The following LRSAM1 variants were observed in gnomAD, a reference collection of about 807,000 sequenced individuals.
LRSAM1 encodes leucine rich repeat and sterile alpha motif containing 1.
A neutral mutation model predicts 118.1 loss-of-function variants in LRSAM1; 96 were observed. The observed-to-expected ratio is 0.81, with a 90% CI of 0.69 to 0.96. The LOEUF is 0.96. LRSAM1 is among the 40% of genes least tolerant of loss of function. The pLI is 0.00. For synonymous variants in LRSAM1, 322 were observed against 364.2 expected (o/e 0.88, Z 1.32); for missense variants, 804 against 915.5 (o/e 0.88, Z 1.57).
At position 127,467,770 on chromosome 9, in the gene LRSAM1, T is replaced by C; in HGVS notation, c.559T>C (p.Tyr187His). The C allele has an allele frequency of 6.2e-7, 1 of 1,610,754 alleles. No homozygotes were observed. Among genetic ancestry groups the C allele is most frequent in the East Asian group, 2.2e-5 (1 of 44,798 alleles). The change falls in exon 10 of 26, where the codon TAC becomes CAC. Residue 187 changes from tyrosine to histidine, a missense_variant. Physicochemically the swap from Tyr to His is moderately conservative, Grantham distance 83. Coordinates refer to ENST00000300417, the MANE Select transcript of LRSAM1 (RefSeq NM_001005373.4). ...GAGCCTTGACGCCTCGGCCATGGTC[T>C]ACCCGCCGCGGGAGGTGTGTGGTGC... is the stretch of plus-strand genomic sequence containing the variant. ...MLSLDASAMVYPPREVCGAGT... is the reference protein window; with the variant it reads ...MLSLDASAMVHPPREVCGAGT...
chr9:127,464,001 C>T lies in LRSAM1; in HGVS notation c.528+1628C>T, dbSNP rs1051942375. On this transcript the variant is annotated intron_variant, in intron 9 of 25. Transcript: ENST00000300417. ...TGTAAACCAGGCCGTCTGAAGCTGACGCCTGTGCTCCCCACCTCTGTATGA... is the reference window on the plus strand; with the variant it reads ...TGTAAACCAGGCCGTCTGAAGCTGATGCCTGTGCTCCCCACCTCTGTATGA... Among the ~76,000 whole-genome samples the T allele has an allele frequency of 6.6e-5, 10 of 152,244 alleles. No individual in the cohort carries two copies. In the South Asian group the frequency reaches 1.0e-3, roughly 16 times the overall value.
rs757987823 is a variant in LRSAM1 at position 127,479,834 on chromosome 9, TG to T, written c.904-4del. ...GGGGCTCAGGACCCCTACCTCCGGC[TG>T]CAGGAGCAGTCCCGGCTGGAGCAGG... On this transcript the variant is annotated splice_polypyrimidine_tract_variant and splice_region_variant and intron_variant, in intron 13 of 25. Coordinates refer to ENST00000300417, the MANE Select transcript of LRSAM1 (RefSeq NM_001005373.4). 1.1e-5 allele frequency: 17 copies of T among 1,611,644 alleles called. No homozygotes were observed. Among genetic ancestry groups the T allele is most frequent in the Non-Finnish European group, 1.4e-5 (17 of 1,178,246 alleles).
At chr9:127,454,437 C>A in intron 2 of LRSAM1, 59 bp from the exon 3 acceptor site, 1 of 1,306,242 alleles carries the variant, frequency 7.7e-7, no homozygotes, top group Non-Finnish European at 1.1e-6. Context: ...CACTACCTGT[C>A]CCGGGTGTTG....
In LRSAM1 at chr9:127,496,053, A is replaced by G. The variant is rs753098074; in HGVS notation, c.1788A>G (p.Ser596=). Reference sequence around the variant, plus strand: ...CCATCTTTGCGCACCACCGCCTCTCACTGGACCTGCTGAGCCAAATGAGCC... The same window carrying G: ...CCATCTTTGCGCACCACCGCCTCTCGCTGGACCTGCTGAGCCAAATGAGCC... The part of the protein sequence containing the change: ...YLPIFAHHRL[S]LDLLSQMSPG... The change falls in exon 23 of 26, where the codon TCA becomes TCG. Residue 596 remains serine (S), a synonymous_variant. Coordinates refer to ENST00000300417, the MANE Select transcript of LRSAM1 (RefSeq NM_001005373.4). 5.0e-6 allele frequency: 8 copies of G among 1,612,078 alleles called. No homozygotes were observed. The highest frequency in any genetic ancestry group is 3.3e-4 in the Middle Eastern group (2 of 6,084).
At chr9:127,460,102 C>T (rs1446309178) in intron 7 of LRSAM1, among the ~76,000 whole-genome samples, 3 of 151,816 alleles carry the variant, frequency 2.0e-5, no homozygotes, top group South Asian at 2.1e-4. Flanking sequence ...CGGGTTCAAG[C>T]GATTCCCCTG....
At chr9:127,495,873 A>G (rs1322650279) in intron 22 of LRSAM1, 91 bp from the exon 23 acceptor site, 8 of 1,535,662 alleles carry the variant, frequency 5.2e-6, no homozygotes, top group Non-Finnish European at 7.0e-6. Context: ...TCTATGTATT[A>G]TGTTATAAAT....
chr9:127,454,957 G>A (rs371533252), intron 3 of LRSAM1, 41 bp from the exon 4 acceptor site: 198 of 1,596,802 alleles, frequency 1.2e-4, no homozygotes, highest in Non-Finnish European at 1.6e-4. Flanking sequence ...CTGCAAAGGT[G>A]TTTTGTCTTA....
In LRSAM1 at chr9:127,501,115, C is replaced by CA. The variant is rs1315010600; in HGVS notation, c.2019dup (p.Glu674ArgfsTer83). ...CCTGCAGAGCTGGAGGTGCAGGCCT[C>CA]AGAGTGTGTCGTGTGCCTGGAACGG... On this transcript the variant is annotated frameshift_variant, in exon 25 of 26. Transcript: ENST00000300417. LOFTEE classifies it high-confidence loss of function. 3 of 1,613,608 alleles carry CA rather than the reference C, an allele frequency of 1.9e-6. No homozygotes were observed. The highest frequency in any genetic ancestry group is 2.5e-6 in the Non-Finnish European group (3 of 1,180,026).
At chr9:127,474,256 A>C (rs1406348087) in intron 11 of LRSAM1, among the ~76,000 whole-genome samples, 2 of 141,300 alleles carry the variant, frequency 1.4e-5, no homozygotes, top group Non-Finnish European at 3.1e-5. Context: ...CTTATCCTTC[A>C]GTTCTTTTTT....
intron 13 of LRSAM1, among the ~76,000 whole-genome samples, 163 bp downstream of exon 13, chr9:127,479,668 GC>G (rs966076583): frequency 6.6e-6 from 1 of 152,196 alleles, no homozygotes; most frequent in Admixed American, 6.5e-5. Context: ...ACCCAGCCCA[GC>G]CTCCCCGTGT....
chr9:127,501,526 G>A (rs1389724806), intron 25 of LRSAM1, among the ~76,000 whole-genome samples: 1 of 152,162 alleles, frequency 6.6e-6, no homozygotes, highest in Non-Finnish European at 1.5e-5. Flanking sequence ...GAGGTCAGGA[G>A]TTTGAGGCCA....
At chr9:127,479,757 G>A in intron 13 of LRSAM1, 82 bp from the exon 14 acceptor site, 1 of 1,554,692 alleles carries the variant, frequency 6.4e-7, no homozygotes, top group Non-Finnish European at 8.7e-7. Context: ...GGGTGGGAAA[G>A]CCAGCCTCCT....
At chr9:127,477,529 G>C (rs759029105) in intron 11 of LRSAM1, among the ~76,000 whole-genome samples, 3 of 135,472 alleles carry the variant, frequency 2.2e-5, no homozygotes, top group Admixed American at 7.5e-5. Flanking sequence ...TCGGGTGGAT[G>C]CTTGAGCTCA....
In LRSAM1 at chr9:127,467,784, G is replaced by A. The variant is rs201488957; in HGVS notation, c.573G>A (p.Glu191=). The change falls in exon 10 of 26, where the codon GAG becomes GAA. Residue 191 remains glutamate, a synonymous_variant. Transcript: ENST00000300417. ...CGGCCATGGTCTACCCGCCGCGGGA[G>A]GTGTGTGGTGCCGGCACTGCGGCCA... The part of the protein sequence containing the change: ...DASAMVYPPR[E]VCGAGTAAIL... 1.4e-5 allele frequency: 23 copies of A among 1,610,494 alleles called. No individual in the cohort carries two copies. The East Asian group carries it at 4.2e-4, about 30-fold the overall frequency.
At chr9:127,456,130 C>T (rs1012898481) in intron 5 of LRSAM1, among the ~76,000 whole-genome samples, 5 of 135,994 alleles carry the variant, frequency 3.7e-5, no homozygotes, top group Admixed American at 1.6e-4. Flanking sequence ...TGGGTAGAAG[C>T]GCTCTAAGTG....
rs544928820 is a variant in LRSAM1 at position 127,492,772 on chromosome 9, C to T, written c.1504-30C>T. ...GGACTCCTGCGCTGCCGCCAGCTCA[C>T]GGTGGTGCGGGGTGTGGTCTTGTTC... is the stretch of plus-strand genomic sequence containing the variant. On this transcript the variant is annotated intron_variant, in intron 20 of 25. Coordinates refer to ENST00000300417, the MANE Select transcript of LRSAM1 (RefSeq NM_001005373.4). The T allele has an allele frequency of 3.9e-5, 62 of 1,605,684 alleles. No individual in the cohort carries two copies. The Admixed American group carries it at 6.7e-4, about 17-fold the overall frequency.
rs138642959 is a variant in LRSAM1 at position 127,501,548 on chromosome 9, A to G, written c.2046+405A>G. Reference sequence around the variant, plus strand: ...GGAGTTTGAGGCCAGCCTGGCCAACATGGTAAAACTCCATCTCTACTAAAA... The same window carrying G: ...GGAGTTTGAGGCCAGCCTGGCCAACGTGGTAAAACTCCATCTCTACTAAAA... On this transcript the variant is annotated intron_variant, in intron 25 of 25. Transcript: ENST00000300417. Among the ~76,000 whole-genome samples the G allele has an allele frequency of 3.8e-3, 583 of 152,210 alleles. 1 individual carries two copies. The highest frequency in any genetic ancestry group is 6.8e-3 in the Middle Eastern group (2 of 292).
intron 24 of LRSAM1, 147 bp downstream of exon 24, chr9:127,497,481 C>T (rs1588139253): frequency 4.8e-6 from 4 of 839,256 alleles, no homozygotes; most frequent in African/African-American, 1.7e-5. Flanking sequence ...TCCCAAGGAG[C>T]AGGCTTAGGG....
At chr9:127,490,046 G>T (rs1294546718) in intron 19 of LRSAM1, among the ~76,000 whole-genome samples, 3 of 151,932 alleles carry the variant, frequency 2.0e-5, no homozygotes, top group African/African-American at 7.3e-5. Flanking sequence ...TCCCTCATGT[G>T]ACAAGATACC....
Sources: allele counts gnomAD v4.1 joint callset (sites outside exome capture counted in the v4.1 genomes callset), GRCh38; gene constraint gnomAD v4.1.1; transcripts MANE v1.5; gene names NCBI Gene and HGNC (gene_info 2026-07-23, HGNC 2026-07-21).